MMP9: variants seen among roughly 807,000 people sequenced by gnomAD.
The protein encoded by MMP9 is matrix metalloproteinase-9.
MMP9 carries 73 observed loss-of-function variants against 76.4 expected under a neutral mutation model. That is an observed-to-expected ratio of 0.96 (90% CI 0.79 to 1.16). The LOEUF (loss-of-function observed/expected upper bound fraction) is 1.16. Ranked by LOEUF, MMP9 falls within the 50% of genes most tolerant of loss-of-function variation. MMP9 has a pLI of 0.00. For synonymous variants in MMP9, 412 were observed against 408.4 expected (o/e 1.01, Z -0.11); for missense variants, 943 against 973.0 (o/e 0.97, Z 0.41).
intron 3 of MMP9, 131 bp downstream of exon 3, chr20:46,010,762 C>G: frequency 6.5e-7 from 1 of 1,546,334 alleles, no homozygotes. Flanking sequence ...TTATACGGCC[C>G]CTCCTGCCAG....
At chr20:46,011,397 G>C in intron 5 of MMP9, 81 bp downstream of exon 5, 1 of 1,575,812 alleles carries the variant, frequency 6.3e-7, no homozygotes, top group East Asian at 2.2e-5. Flanking sequence ...TCTGCCACTA[G>C]TGCTGTGTGG....
In MMP9 at chr20:46,010,583, C is replaced by A. The variant is rs949839101; in HGVS notation, c.472C>A (p.Arg158Ser). ...WSAVTPLTFT[R>S]VYSRDADIVI... ...CGCGGTGACGCCGCTCACCTTCACT[C>A]GCGTGTACAGCCGGGACGCAGACAT... The change falls in exon 3 of 13, where the codon CGC becomes AGC. Residue 158 changes from arginine (R) to serine (S), a missense_variant. Transcript: ENST00000372330. 2 of 1,614,134 alleles carry A rather than the reference C, an allele frequency of 1.2e-6. No individual in the cohort carries two copies. The highest frequency in any genetic ancestry group is 1.7e-6 in the Non-Finnish European group (2 of 1,180,014).
At position 46,011,761 on chromosome 20, in the gene MMP9, G is replaced by A; in HGVS notation, c.997+14G>A. 6.2e-7 allele frequency: 1 copy of A among 1,605,774 alleles called. No homozygotes were observed. Among genetic ancestry groups the A allele is most frequent in the Non-Finnish European group, 8.5e-7 (1 of 1,178,464 alleles). On this transcript the variant is annotated intron_variant, in intron 6 of 12. Coordinates refer to ENST00000372330, the MANE Select transcript of MMP9 (RefSeq NM_004994.3). Reference sequence around the variant, plus strand: ...GCCCGACCCGAGGTACCTCCACCCTGTCTACCAGGTTCAGCCCCGCCCTCT... The same window carrying A: ...GCCCGACCCGAGGTACCTCCACCCTATCTACCAGGTTCAGCCCCGCCCTCT...
In MMP9 at chr20:46,009,037, C is replaced by G. The variant is rs201343402; in HGVS notation, c.111C>G (p.Thr37=). 2 of 1,613,792 alleles carry G rather than the reference C, an allele frequency of 1.2e-6. No individual in the cohort carries two copies. The highest frequency in any genetic ancestry group is 2.7e-5 in the African/African-American group (2 of 74,898). The part of the protein sequence containing the change: ...TLVLFPGDLR[T]NLTDRQLAEE... The stretch of plus-strand genomic sequence containing the variant: ...TGCTCTTCCCTGGAGACCTGAGAAC[C>G]AATCTCACCGACAGGCAGCTGGCAG... The change falls in exon 1 of 13, where the codon ACC becomes ACG. Residue 37 remains threonine (T), a synonymous_variant. Transcript: ENST00000372330.
chr20:46,010,956 C>T lies in MMP9; in HGVS notation c.555C>T (p.Asp185=), dbSNP rs763027034. The T allele has an allele frequency of 6.2e-7, 1 of 1,614,234 alleles. No homozygotes were observed. The change falls in exon 4 of 13, where the codon GAC becomes GAT. Residue 185 remains aspartate (D), a synonymous_variant. Coordinates refer to ENST00000372330, the MANE Select transcript of MMP9 (RefSeq NM_004994.3). ...HGDGYPFDGK[D]GLLAHAFPPG... ...ACGGGTATCCCTTCGACGGGAAGGA[C>T]GGGCTCCTGGCACACGCCTTTCCTC...
Position 46,010,989 on chromosome 20 carries a change from C to G in MMP9, c.588C>G (p.Pro196=), listed in dbSNP as rs564979879. ...TGGCACACGCCTTTCCTCCTGGCCC[C>G]GGCATTCAGGGAGACGCCCATTTCG... ...GLLAHAFPPG[P]GIQGDAHFDD... The change falls in exon 4 of 13, where the codon CCC becomes CCG. Residue 196 remains proline, a synonymous_variant. Coordinates refer to ENST00000372330, the MANE Select transcript of MMP9 (RefSeq NM_004994.3). 6.2e-7 allele frequency: 1 copy of G among 1,614,194 alleles called. No individual in the cohort carries two copies. Among genetic ancestry groups the G allele is most frequent in the Admixed American group, 1.7e-5 (1 of 60,028 alleles).
chr20:46,010,319 G>GAAAAAAAAAAAA (rs2084267884), intron 2 of MMP9, among the ~76,000 whole-genome samples, 164 bp from the exon 3 acceptor site: 2 of 1,522 alleles, frequency 1.3e-3, no homozygotes, highest in Non-Finnish European at 3.3e-3. Context: ...GGTCTAAGTA[G>GAAAAAAAAAAAA]ACAAAAAAAA....
intron 3 of MMP9, 134 bp downstream of exon 3, chr20:46,010,765 C>T (rs2084273500): frequency 6.5e-7 from 1 of 1,546,926 alleles, no homozygotes. Context: ...TACGGCCCCT[C>T]CTGCCAGACA....
At position 46,011,231 on chromosome 20, in the gene MMP9, C is replaced by T. The variant is rs200417761; in HGVS notation, c.738C>T (p.Thr246=). 8.1e-6 allele frequency: 13 copies of T among 1,613,198 alleles called. No homozygotes were observed. The highest frequency in any genetic ancestry group is 1.3e-5 in the African/African-American group (1 of 74,736). Residue 246 remains threonine (T), a synonymous_variant, in exon 5 of 13, where the codon ACC becomes ACT. Coordinates refer to ENST00000372330, the MANE Select transcript of MMP9 (RefSeq NM_004994.3). ...GCCGCTCCTACTCTGCCTGCACCAC[C>T]GACGGTCGCTCCGACGGCTTGCCCT... The part of the protein sequence containing the change: ...FEGRSYSACT[T]DGRSDGLPWC...
At chr20:46,010,788 A>G (rs2084273601) in intron 3 of MMP9, 134 bp from the exon 4 acceptor site, 2 of 1,564,272 alleles carry the variant, frequency 1.3e-6, no homozygotes, top group Non-Finnish European at 8.7e-7. Context: ...GCACAGGGCC[A>G]GGGCGCCAGG....
rs970028758 is a variant in MMP9, at chr20:46,013,681, C to A, written c.1635C>A (p.Gly545=). Reference sequence around the variant, plus strand: ...GGAAGTACTGGCGATTCTCTGAGGGCAGGGGGAGCCGGCCGCAGGGCCCCT... The same window carrying A: ...GGAAGTACTGGCGATTCTCTGAGGGAAGGGGGAGCCGGCCGCAGGGCCCCT... ...KDGKYWRFSE[G]RGSRPQGPFL... The change falls in exon 10 of 13, where the codon GGC becomes GGA. Residue 545 remains glycine (G), a synonymous_variant. Coordinates refer to ENST00000372330, the MANE Select transcript of MMP9 (RefSeq NM_004994.3). This position sits in a 1 kb window ranked among gnomAD's most constrained non-coding sequence, Gnocchi z 4.5. 4 of 1,614,038 alleles carry A rather than the reference C, an allele frequency of 2.5e-6. No homozygotes were observed. The highest frequency in any genetic ancestry group is 3.3e-4 in the Middle Eastern group (2 of 6,044).
intron 8 of MMP9, among the ~76,000 whole-genome samples, chr20:46,012,872 T>C (rs1442449365): frequency 1.3e-5 from 2 of 152,132 alleles, no homozygotes; most frequent in East Asian, 1.9e-4. Context: ...GGCGGGAGGA[T>C]TGCTTAAGCC....
rs1334987603 is a variant in MMP9 at position 46,012,575 on chromosome 20, C to T, written c.1323C>T (p.His441=). 2 of 1,613,574 alleles carry T rather than the reference C, an allele frequency of 1.2e-6. No homozygotes were observed. The highest frequency in any genetic ancestry group is 1.7e-6 in the Non-Finnish European group (2 of 1,180,014). Residue 441 remains histidine (H), a synonymous_variant, in exon 8 of 13, where the codon CAC becomes CAT. Coordinates refer to ENST00000372330, the MANE Select transcript of MMP9 (RefSeq NM_004994.3). ...AGGACGACGTGAATGGCATCCGGCA[C>T]CTCTATGGTGAGGCAGGGGCAGGGA... ...LHKDDVNGIR[H]LYGPRPEPEP...
At position 46,011,034 on chromosome 20, in the gene MMP9, C is replaced by T; in HGVS notation, c.633C>T (p.Ser211=). 6.2e-7 allele frequency: 1 copy of T among 1,610,404 alleles called. No homozygotes were observed. The highest frequency in any genetic ancestry group is 8.5e-7 in the Non-Finnish European group (1 of 1,177,718). Residue 211 remains serine, a synonymous_variant, in exon 4 of 13, where the codon TCC becomes TCT. Transcript: ENST00000372330. Reference sequence around the variant, plus strand: ...ATTTCGACGATGACGAGTTGTGGTCCCTGGGCAAGGGCGTCGGTGAGATTC... The same window carrying T: ...ATTTCGACGATGACGAGTTGTGGTCTCTGGGCAAGGGCGTCGGTGAGATTC... The part of the protein sequence containing the change: ...DAHFDDDELW[S]LGKGVVVPTR...
chr20:46,009,293 T>C (rs983408975), intron 1 of MMP9, among the ~76,000 whole-genome samples: 8 of 150,710 alleles, frequency 5.3e-5, no homozygotes, highest in Non-Finnish European at 8.9e-5. Context: ...AAATGGGAAA[T>C]GGTTTGGGGT....
At chr20:46,014,499 G>A (rs1359942448) in intron 12 of MMP9, 25 bp downstream of exon 12, 1 of 1,541,940 alleles carries the variant, frequency 6.5e-7, no homozygotes. Flanking sequence ...GGATCCCTTC[G>A]TGAGACACCA....
chr20:46,013,142 G>C lies in MMP9; in HGVS notation c.1331-113G>C. ...TGGTTTGGGAAGGGAGGCTGAGTGA[G>C]GAGGGGCCTGTGTGCCAGAGGAGGC... On this transcript the variant is annotated intron_variant, in intron 8 of 12. Transcript: ENST00000372330. This position sits in a 1 kb window ranked among gnomAD's most constrained non-coding sequence, Gnocchi z 4.5. 2.4e-6 allele frequency: 3 copies of C among 1,256,762 alleles called. No homozygotes were observed. The highest frequency in any genetic ancestry group is 3.5e-6 in the Non-Finnish European group (3 of 858,630). The allele number at this position is 1,256,762 out of a possible 1,614,324, so 77.9% of individuals were successfully genotyped here.
Position 46,010,569 on chromosome 20 carries a change from C to A in MMP9, c.458C>A (p.Pro153Gln), listed in dbSNP as rs753889026. ...TTCGCACTGTGGAGCGCGGTGACGCCGCTCACCTTCACTCGCGTGTACAGC... is the reference window on the plus strand; with the variant it reads ...TTCGCACTGTGGAGCGCGGTGACGCAGCTCACCTTCACTCGCGTGTACAGC... ...RAFALWSAVT[P>Q]LTFTRVYSRD... Residue 153 changes from proline to glutamine, a missense_variant, in exon 3 of 13, where the codon CCG becomes CAG. By Grantham distance (76) the Pro-to-Gln change is moderately conservative. Coordinates refer to ENST00000372330, the MANE Select transcript of MMP9 (RefSeq NM_004994.3). 99 of 1,614,074 alleles carry A rather than the reference C, an allele frequency of 6.1e-5. No homozygotes were observed. Among genetic ancestry groups the A allele is most frequent in the Non-Finnish European group, 8.3e-5 (98 of 1,180,048 alleles).
At chr20:46,012,351 G>T in intron 7 of MMP9, 38 bp downstream of exon 7, 2 of 1,612,630 alleles carry the variant, frequency 1.2e-6, no homozygotes, top group East Asian at 2.2e-5. Context: ...TGGGGTTCCC[G>T]GCAGTGGTGG....
Sources: gnomAD v4.1 joint callset for allele counts (sites outside exome capture counted in the v4.1 genomes callset) on GRCh38, gnomAD v4.1.1 for gene constraint, Gnocchi (gnomAD v3.1) non-coding constraint, MANE v1.5 for transcripts, NCBI Gene and HGNC (gene_info 2026-07-23, HGNC 2026-07-21) for gene names.